Variants in PRDM9 observed in about 807,000 individuals in gnomAD.
PRDM9 encodes the protein histone-lysine N-methyltransferase PRDM9.
Under a neutral mutation model 55.6 loss-of-function variants are expected in PRDM9, and 47 were observed. That is an observed-to-expected ratio of 0.85 (90% confidence interval 0.67 to 1.08). PRDM9 has a LOEUF of 1.08. Among genes scored for constraint, PRDM9 ranks in the 50% least tolerant of loss-of-function variants. PRDM9 has a pLI of 0.00. For missense variants in PRDM9, 867 were observed against 1,040.3 expected (o/e 0.83, Z 2.29); for synonymous variants, 312 against 375.7 (o/e 0.83, Z 1.96).
intron 5 of PRDM9, among the ~76,000 whole-genome samples, chr5:23,520,137 G>A (rs192069364): frequency 6.6e-6 from 1 of 151,822 alleles, no homozygotes; most frequent in East Asian, 2.0e-4. Flanking sequence ...GGTTGAGGTG[G>A]GTGGATCACT....
intron 10 of PRDM9, among the ~76,000 whole-genome samples, chr5:23,525,983 T>C (rs369490552): frequency 6.6e-6 from 1 of 152,284 alleles, no homozygotes; most frequent in South Asian, 2.1e-4. Flanking sequence ...GCCCTGATGC[T>C]GGTTGAGGTT....
chr5:23,509,985 G>A lies in PRDM9; in HGVS notation c.259G>A (p.Asp87Asn). The A allele has an allele frequency of 1.2e-6, 2 of 1,612,886 alleles. No homozygotes were observed. Among genetic ancestry groups the A allele is most frequent in the Non-Finnish European group, 1.7e-6 (2 of 1,179,436 alleles). Residue 87 changes from aspartate (D) to asparagine (N), a missense_variant, in exon 4 of 11, where the codon GAC (aspartate) becomes AAC (asparagine). Around this residue, in one of 5 missense-constraint regions of PRDM9, gnomAD observed 662 missense variants for 711.9 expected, o/e 0.93. Coordinates refer to ENST00000296682, the MANE Select transcript of PRDM9 (RefSeq NM_020227.4). Reference sequence around the variant, plus strand: ...GCAGGCCATCAAACTCCAGGTGGATGACACAGAAGATTCTGATGAAGAATG... The same window carrying A: ...GCAGGCCATCAAACTCCAGGTGGATAACACAGAAGATTCTGATGAAGAATG... ...RRQAIKLQVD[D>N]TEDSDEEWTP...
intron 9 of PRDM9, 128 bp from the exon 10 acceptor site, chr5:23,524,206 G>A: frequency 8.1e-7 from 1 of 1,227,834 alleles, no homozygotes; most frequent in Non-Finnish European, 1.2e-6. Context: ...AAGGTTCCCG[G>A]AGGAGTGGTG....
intron 2 of PRDM9, 62 bp downstream of exon 2, chr5:23,509,164 A>G: frequency 4.4e-6 from 7 of 1,596,184 alleles, no homozygotes; most frequent in Non-Finnish European, 3.4e-6. Flanking sequence ...AGTGCTGCAG[A>G]CTCCTGGCCT....
At chr5:23,508,634 C>G (rs1561015807) in intron 1 of PRDM9, among the ~76,000 whole-genome samples, 1 of 152,182 alleles carries the variant, frequency 6.6e-6, no homozygotes, top group South Asian at 2.1e-4. Flanking sequence ...TGGGACTCCT[C>G]TGGCTCTCAC....
At position 23,523,303 on chromosome 5, in the gene PRDM9, A is replaced by G; in HGVS notation, c.895A>G (p.Arg299Gly). ...TTCTGAAACTCAGATCACCAAGGGG[A>G]GAAACTGCTATGAGTATGTGGATGG... ...NGYSWLITKG[R>G]NCYEYVDGKD... The change falls in exon 9 of 11, where the codon AGA (arginine) becomes GGA (glycine). Residue 299 changes from arginine (R) to glycine (G), a missense_variant. Around this residue, in one of 5 missense-constraint regions of PRDM9, gnomAD observed 662 missense variants for 711.9 expected, o/e 0.93. Transcript: ENST00000296682. 1 of 1,613,982 alleles carries G rather than the reference A, an allele frequency of 6.2e-7. No homozygotes were observed. The highest frequency in any genetic ancestry group is 8.5e-7 in the Non-Finnish European group (1 of 1,179,836).
Position 23,516,158 on chromosome 5 carries a change from T to A in PRDM9, c.302-1723T>A, listed in dbSNP as rs1373679167. Among the ~76,000 whole-genome samples the A allele has an allele frequency of 2.0e-5, 3 of 152,206 alleles. No homozygotes were observed. The East Asian group carries it at 5.8e-4, about 29-fold the overall frequency. On this transcript the variant is annotated intron_variant, in intron 4 of 10. Coordinates refer to ENST00000296682, the MANE Select transcript of PRDM9 (RefSeq NM_020227.4). ...TCCATGAACACAGGATGTCCTTCCA[T>A]TTATTTGTGTCTCCTTAAATTTCTG...
At chr5:23,513,437 C>T (rs1453282210) in intron 4 of PRDM9, among the ~76,000 whole-genome samples, 2 of 152,070 alleles carry the variant, frequency 1.3e-5, no homozygotes, top group Admixed American at 6.6e-5. Flanking sequence ...ATGAGTTGGG[C>T]CCTTCCCTGT....
At chr5:23,515,264 C>T (rs543444609) in intron 4 of PRDM9, among the ~76,000 whole-genome samples, 1 of 152,256 alleles carries the variant, frequency 6.6e-6, no homozygotes, top group Admixed American at 6.5e-5. Flanking sequence ...AGCGCCTGGC[C>T]TGGATTTAAC....
At chr5:23,520,849 A>T (rs531408207) in intron 5 of PRDM9, among the ~76,000 whole-genome samples, 174 bp from the exon 6 acceptor site, 1 of 152,354 alleles carries the variant, frequency 6.6e-6, no homozygotes, top group South Asian at 2.1e-4. Flanking sequence ...CATGGGTTAG[A>T]GTCCCAGATT....
At chr5:23,521,288 T>C in intron 6 of PRDM9, 109 bp downstream of exon 6, 4 of 1,256,380 alleles carry the variant, frequency 3.2e-6, no homozygotes, top group Non-Finnish European at 3.4e-6. Flanking sequence ...GGGCTTAAGC[T>C]GGACTCAACT....
rs1739011757 is a variant in PRDM9 at position 23,507,708 on chromosome 5, C to T, written c.-89C>T. The T allele has an allele frequency of 6.6e-6, 1 of 152,170 alleles. No individual in the cohort carries two copies. Among genetic ancestry groups the T allele is most frequent in the African/African-American group, 2.4e-5 (1 of 41,408 alleles). The allele number at this position is 152,170 out of a possible 1,614,324, so 9.4% of individuals were successfully genotyped here. A position where few individuals can be genotyped will look rare whatever the true frequency, so the allele number is the denominator to read the frequency against. On this transcript the variant is annotated 5_prime_UTR_variant, in exon 1 of 11. Coordinates refer to ENST00000296682, the MANE Select transcript of PRDM9 (RefSeq NM_020227.4). ...GGAGCCTTTGTCGTGCAGCGTGAAACCCTTGTAAACCCTCATCCCGAGACC... is the reference window on the plus strand; with the variant it reads ...GGAGCCTTTGTCGTGCAGCGTGAAATCCTTGTAAACCCTCATCCCGAGACC...
chr5:23,521,597 C>G (rs1161097587), intron 6 of PRDM9, among the ~76,000 whole-genome samples: 3 of 152,168 alleles, frequency 2.0e-5, no homozygotes, highest in Non-Finnish European at 4.4e-5. Context: ...TTCAGCCTCC[C>G]AAAATGCTGG....
chr5:23,512,176 T>C (rs1739112133), intron 4 of PRDM9, among the ~76,000 whole-genome samples: 1 of 152,188 alleles, frequency 6.6e-6, no homozygotes, highest in Admixed American at 6.5e-5. Context: ...ATGATCCTCT[T>C]ATACCAAAAT....
At chr5:23,517,220 C>T (rs2126418748) in intron 4 of PRDM9, among the ~76,000 whole-genome samples, 1 of 149,730 alleles carries the variant, frequency 6.7e-6, no homozygotes, top group East Asian at 2.0e-4. Flanking sequence ...AAGTGATTTC[C>T]TTCTATTCCT....
At chr5:23,521,530 G>T (rs1239009590) in intron 6 of PRDM9, among the ~76,000 whole-genome samples, 5 of 152,152 alleles carry the variant, frequency 3.3e-5, no homozygotes, top group Non-Finnish European at 5.9e-5. Flanking sequence ...TAGAGACAGG[G>T]TTTCACCTTG....
chr5:23,520,205 A>G (rs1739302093), intron 5 of PRDM9, among the ~76,000 whole-genome samples: 1 of 151,408 alleles, frequency 6.6e-6, no homozygotes, highest in Non-Finnish European at 1.5e-5. Flanking sequence ...TCTCTAATAA[A>G]TATACAAAAA....
intron 6 of PRDM9, 133 bp downstream of exon 6, chr5:23,521,312 G>A: frequency 7.4e-6 from 7 of 948,418 alleles, no homozygotes; most frequent in Middle Eastern, 3.3e-4. Flanking sequence ...AGACCAGAAG[G>A]TAGATGCAGT....
intron 1 of PRDM9, among the ~76,000 whole-genome samples, chr5:23,508,232 T>A (rs1191604419): frequency 6.6e-6 from 1 of 152,000 alleles, no homozygotes; most frequent in Admixed American, 6.6e-5. Context: ...CTTAACCTGA[T>A]GAATCTCAAA....
Sources: gnomAD v4.1 joint callset for allele counts (sites outside exome capture counted in the v4.1 genomes callset) on GRCh38, gnomAD v4.1.1 for gene constraint, gnomAD v4.1.1 regional missense constraint, MANE v1.5 for transcripts, NCBI Gene and HGNC (gene_info 2026-07-23, HGNC 2026-07-21) for gene names.